Variants in SPATS2 observed in about 807,000 individuals in gnomAD.
SPATS2 encodes the protein spermatogenesis-associated serine-rich protein 2.
SPATS2 carries 38 observed loss-of-function variants against 63.7 expected under a neutral mutation model. That is an observed-to-expected ratio of 0.60 (90% CI 0.46 to 0.78). The LOEUF (loss-of-function observed/expected upper bound fraction) is 0.78, where lower values mean the gene tolerates loss of function less well. Among genes scored for constraint, SPATS2 ranks in the 30% least tolerant of loss-of-function variants. The pLI, the probability that SPATS2 is intolerant of heterozygous loss-of-function variation, is 0.00. For missense variants in SPATS2, 588 were observed against 666.2 expected, an observed-to-expected ratio of 0.88 and a Z score of 1.29; for synonymous variants, 207 against 232.9, an observed-to-expected ratio of 0.89 and a Z score of 1.01.
intron 2 of SPATS2, among the ~76,000 whole-genome samples, chr12:49,384,340 T>C (rs576331547): frequency 6.6e-6 from 1 of 152,354 alleles, no homozygotes; most frequent in Non-Finnish European, 1.5e-5. Context: ...CTTCTCTCTT[T>C]TTAAAATTTC....
At chr12:49,404,063 A>G (rs1334031105) in intron 2 of SPATS2, among the ~76,000 whole-genome samples, 1 of 152,158 alleles carries the variant, frequency 6.6e-6, no homozygotes, top group Non-Finnish European at 1.5e-5. Flanking sequence ...ACTGGGCTAG[A>G]TGCTAGAGAT....
At chr12:49,431,237 A>G (rs1021417560) in intron 2 of SPATS2, among the ~76,000 whole-genome samples, 16 of 152,022 alleles carry the variant, frequency 1.1e-4, no homozygotes, top group African/African-American at 3.6e-4. Context: ...CACTTAATAA[A>G]TATATAAAGA....
At chr12:49,435,897 A>G (rs147249678) in intron 2 of SPATS2, among the ~76,000 whole-genome samples, 25,717 of 146,366 alleles carry the variant, frequency 0.18, 2,424 homozygotes, top group African/African-American at 0.35. Flanking sequence ...ATCTTGCACC[A>G]CCCTTAATCC....
chr12:49,499,414 G>C lies in SPATS2; in HGVS notation c.704-656G>C, dbSNP rs190577110. Among the ~76,000 whole-genome samples, 3 of 150,352 alleles carry C rather than the reference G, an allele frequency of 2.0e-5. No individual in the cohort carries two copies. In the East Asian group the frequency reaches 5.8e-4, roughly 29 times the overall value. On this transcript the variant is annotated intron_variant, in intron 8 of 13. Coordinates refer to ENST00000552918, the MANE Select transcript of SPATS2 (RefSeq NM_023071.4). ...TGGTTGTTTTGTTTTGTTTTGTTTT[G>C]TTTTGTTTTGTTTTGTTTTGTTTTG...
In SPATS2 at chr12:49,519,090, C is replaced by T; in HGVS notation, c.916C>T (p.Arg306Ter). Residue 306 changes from arginine to a stop codon, truncating the protein, a stop_gained, in exon 11 of 14, where the codon CGA becomes TGA. Transcript: ENST00000552918. LOFTEE classifies it high-confidence loss of function. ...CTCTACAGTGGAAATTTTGCTCAGC[C>T]GACAAAAGAAGGCTGAACTTCTAAA... ...KAEAMEILLS[R>*]QKKAELLKKM... 3.1e-6 allele frequency: 5 copies of T among 1,613,556 alleles called. No individual in the cohort carries two copies. The South Asian group carries it at 3.3e-5, about 11-fold the overall frequency.
intron 2 of SPATS2, among the ~76,000 whole-genome samples, chr12:49,414,659 C>CG (rs1454766148): frequency 6.6e-6 from 1 of 151,982 alleles, no homozygotes; most frequent in Non-Finnish European, 1.5e-5. Flanking sequence ...GGCTGGAGTG[C>CG]GGTGGTGTGA....
intron 2 of SPATS2, among the ~76,000 whole-genome samples, chr12:49,371,659 C>T (rs1943999317): frequency 6.6e-6 from 1 of 152,064 alleles, no homozygotes; most frequent in African/African-American, 2.4e-5. Context: ...AGCATAGCAG[C>T]TTCTGGGGAG....
chr12:49,471,599 T>C (rs1239319762), intron 3 of SPATS2, among the ~76,000 whole-genome samples: 1 of 152,212 alleles, frequency 6.6e-6, no homozygotes, highest in Non-Finnish European at 1.5e-5. Context: ...CCCAAAGTGC[T>C]TGGATTACAG....
In SPATS2 at chr12:49,500,183, G is replaced by A; in HGVS notation, c.817G>A (p.Ala273Thr). 2 of 1,606,942 alleles carry A rather than the reference G, an allele frequency of 1.2e-6. No homozygotes were observed. Among genetic ancestry groups the A allele is most frequent in the African/African-American group, 1.3e-5 (1 of 74,370 alleles). ...MDASIKKMKQAFAELESCLMD... is the reference protein window; with the variant it reads ...MDASIKKMKQTFAELESCLMD... ...TGCCTCCATTAAGAAAATGAAACAA[G>A]CCTTTGCTGAATTGGAGAGCTGGTA... Residue 273 changes from alanine to threonine, a missense_variant, in exon 9 of 14, where the codon GCC (alanine) becomes ACC (threonine). Transcript: ENST00000552918.
intron 2 of SPATS2, among the ~76,000 whole-genome samples, chr12:49,450,022 ACT>A (rs774321861): frequency 3.3e-5 from 5 of 151,460 alleles, no homozygotes; most frequent in Non-Finnish European, 7.4e-5. Flanking sequence ...TGATGTCATG[ACT>A]CTCTTATAAT....
chr12:49,486,778 C>CA (rs555485566), intron 4 of SPATS2, among the ~76,000 whole-genome samples: 201 of 96,642 alleles, frequency 2.1e-3, no homozygotes, highest in East Asian at 8.2e-3. Context: ...GAGACTCCGT[C>CA]AAAAAAAAAA....
chr12:49,462,425 G>T (rs1945838002), intron 3 of SPATS2: 1 of 702,364 alleles, frequency 1.4e-6, no homozygotes, highest in Non-Finnish European at 2.6e-6. Flanking sequence ...GCTCCAGAGG[G>T]CATGTTACAG....
intron 2 of SPATS2, chr12:49,387,172 C>G (rs936958805): frequency 1.3e-5 from 2 of 152,106 alleles, no homozygotes; most frequent in Non-Finnish European, 2.9e-5. Context: ...CTTTAGGGCC[C>G]CAGAGGCCAG....
chr12:49,495,112 T>A, intron 7 of SPATS2, 110 bp downstream of exon 7: 1 of 1,152,780 alleles, frequency 8.7e-7, no homozygotes, highest in Non-Finnish European at 1.2e-6. Flanking sequence ...ATCCAGTGCT[T>A]GCTGATTAGT....
At chr12:49,437,671 A>G (rs568451651) in intron 2 of SPATS2, among the ~76,000 whole-genome samples, 3 of 152,368 alleles carry the variant, frequency 2.0e-5, no homozygotes, top group Admixed American at 2.0e-4. Context: ...CACCAAAAAA[A>G]TACGAAAACC....
chr12:49,416,763 G>T (rs1341336542), intron 2 of SPATS2, among the ~76,000 whole-genome samples: 1 of 152,144 alleles, frequency 6.6e-6, no homozygotes, highest in Admixed American at 6.6e-5. Context: ...GGGATTACAG[G>T]CGTGAGCCAC....
intron 2 of SPATS2, among the ~76,000 whole-genome samples, chr12:49,447,483 C>A (rs1945534778): frequency 6.6e-6 from 1 of 152,154 alleles, no homozygotes; most frequent in African/African-American, 2.4e-5. Flanking sequence ...GTGATCCCCC[C>A]ACCTCGGCCT....
intron 2 of SPATS2, among the ~76,000 whole-genome samples, chr12:49,446,713 C>A (rs372068975): frequency 6.6e-6 from 1 of 152,278 alleles, no homozygotes; most frequent in East Asian, 1.9e-4. Context: ...AGGGCTCATG[C>A]GATTAGATTG....
chr12:49,466,551 C>T (rs746374116), intron 3 of SPATS2, among the ~76,000 whole-genome samples: 1 of 152,108 alleles, frequency 6.6e-6, no homozygotes, highest in Non-Finnish European at 1.5e-5. Flanking sequence ...GTTTTGTTGA[C>T]GAGGCTATCC....
Sources: gnomAD v4.1 joint callset for allele counts (sites outside exome capture counted in the v4.1 genomes callset) on GRCh38, gnomAD v4.1.1 for gene constraint, MANE v1.5 for transcripts, NCBI Gene and HGNC (gene_info 2026-07-23, HGNC 2026-07-21) for gene names.